The following AGRN variants were observed in gnomAD, a reference collection of about 807,000 sequenced individuals.
The protein encoded by AGRN is agrin.
A neutral mutation model predicts 211.0 loss-of-function variants in AGRN; 106 were observed. The observed-to-expected ratio is 0.50, with a 90% CI of 0.43 to 0.59. AGRN has a LOEUF of 0.59. Ranked by LOEUF, AGRN falls within the 20% of genes least tolerant of loss-of-function variation. The pLI is 0.00. For synonymous variants in AGRN, 1,525 were observed against 1,332.5 expected (o/e 1.14, Z -3.15); for missense variants, 3,040 against 2,982.6 (o/e 1.02, Z -0.45).
Position 1,047,833 on chromosome 1 carries a change from C to G in AGRN, c.3689C>G (p.Ser1230Cys), listed in dbSNP as rs758038475. ...GCCCTGCTCCGGCAGATCCAGGTGT[C>G]CAGGCGCCGGTCCTTGGGGGTGAGG... ...ARALLRQIQVSRRRSLGVRRP... is the reference protein window; with the variant it reads ...ARALLRQIQVCRRRSLGVRRP... The change falls in exon 22 of 36, where the codon TCC (serine) becomes TGC (cysteine). Residue 1230 changes from serine (S) to cysteine (C), a missense_variant. This residue lies in a region of AGRN where 1,537 missense variants were observed against 1,505.0 expected (regional missense o/e 1.02). Transcript: ENST00000379370. The G allele has an allele frequency of 2.5e-6, 4 of 1,604,522 alleles. No individual in the cohort carries two copies. In the African/African-American group the frequency reaches 5.4e-5, roughly 21 times the overall value.
Position 1,049,583 on chromosome 1 carries a change from T to C in AGRN, c.4532T>C (p.Phe1511Ser). The change falls in exon 26 of 36, where the codon TTC (phenylalanine) becomes TCC (serine). Residue 1511 changes from phenylalanine (F) to serine (S), a missense_variant. Physicochemically the swap from Phe to Ser is radical, Grantham distance 155. Around this residue, in one of 3 missense-constraint regions of AGRN, gnomAD observed 1,537 missense variants for 1,505.0 expected, o/e 1.02. Coordinates refer to ENST00000379370, the MANE Select transcript of AGRN (RefSeq NM_198576.4). ...DQAAVALERT[F>S]VGAGLRGCIR... The stretch of plus-strand genomic sequence containing the variant: ...GGTGGCAGGGCGCTGGAGCGGACCT[T>C]CGTGGGCGCCGGCCTGAGGGGGTGC... 6.3e-7 allele frequency: 1 copy of C among 1,590,440 alleles called. No individual in the cohort carries two copies. The highest frequency in any genetic ancestry group is 8.5e-7 in the Non-Finnish European group (1 of 1,169,608).
chr1:1,051,646 G>A lies in AGRN; in HGVS notation c.5563+1G>A. On this transcript the variant is annotated splice_donor_variant, in intron 32 of 35. Transcript: ENST00000379370. LOFTEE classifies it high-confidence loss of function. Reference sequence around the variant, plus strand: ...TTCTCAGGACCGCACTGCGAGAAGGGTGAGCCTGGCACAGGGCAGGGGGCG... The same window carrying A: ...TTCTCAGGACCGCACTGCGAGAAGGATGAGCCTGGCACAGGGCAGGGGGCG... The A allele has an allele frequency of 6.2e-7, 1 of 1,612,432 alleles. No individual in the cohort carries two copies. The highest frequency in any genetic ancestry group is 1.3e-5 in the African/African-American group (1 of 75,056).
In AGRN at chr1:1,031,150, C is replaced by T. The variant is rs1644666554; in HGVS notation, c.464-4127C>T. ...ATGTGTGTGTGTGCAGTGCATGGTG[C>T]TGTGTGAGATTGTGTGTGTGCAGTG... is the stretch of plus-strand genomic sequence containing the variant. On this transcript the variant is annotated intron_variant, in intron 2 of 35. Coordinates refer to ENST00000379370, the MANE Select transcript of AGRN (RefSeq NM_198576.4). This position sits in a 1 kb window ranked among gnomAD's most constrained non-coding sequence, Gnocchi z 4.8. Among the ~76,000 whole-genome samples, 1 of 119,922 alleles carries T rather than the reference C, an allele frequency of 8.3e-6. No homozygotes were observed. The highest frequency in any genetic ancestry group is 3.4e-5 in the African/African-American group (1 of 29,700). 78.7% of individuals were successfully genotyped at this position (119,922 alleles called of 152,430 possible).
At position 1,048,340 on chromosome 1, in the gene AGRN, C is replaced by T. The variant is rs538449761; in HGVS notation, c.4080C>T (p.Gly1360=). 13 of 1,470,772 alleles carry T rather than the reference C, an allele frequency of 8.8e-6. No individual in the cohort carries two copies. The highest frequency in any genetic ancestry group is 1.8e-4 in the Middle Eastern group (1 of 5,580). 91.1% of individuals were successfully genotyped at this position (1,470,772 alleles called of 1,614,324 possible). The change falls in exon 23 of 36, where the codon GGC becomes GGT. Residue 1360 remains glycine, a synonymous_variant. Coordinates refer to ENST00000379370, the MANE Select transcript of AGRN (RefSeq NM_198576.4). This position sits in a 1 kb window ranked among gnomAD's most constrained non-coding sequence, Gnocchi z 5.9. ...GGGFTCSCPA[G]RGGAVCEKVL... is the part of the protein sequence containing the mutation. ...GCTTCACCTGCAGCTGCCCGGCAGG[C>T]AGGGGAGGCGCCGTCTGTGAGAAGG...
rs1644684302 is a variant in AGRN, at chr1:1,031,884, G to T, written c.464-3393G>T. ...GGTTTGACCCTGGCACTGCCCCTGG[G>T]ACTCAGAGCTGGGAGGTGAGAAATG... is the stretch of plus-strand genomic sequence containing the variant. On this transcript the variant is annotated intron_variant, in intron 2 of 35. Coordinates refer to ENST00000379370, the MANE Select transcript of AGRN (RefSeq NM_198576.4). This position sits in a 1 kb window ranked among gnomAD's most constrained non-coding sequence, Gnocchi z 4.8. 6.6e-6 allele frequency among the ~76,000 whole-genome samples: 1 copy of T among 152,230 alleles called. No individual in the cohort carries two copies.
At position 1,046,008 on chromosome 1, in the gene AGRN, G is replaced by A. The variant is rs368433481; in HGVS notation, c.2725G>A (p.Gly909Ser). 53 of 1,613,838 alleles carry A rather than the reference G, an allele frequency of 3.3e-5. No individual in the cohort carries two copies. The highest frequency in any genetic ancestry group is 2.5e-4 in the East Asian group (11 of 44,892). The stretch of plus-strand genomic sequence containing the variant: ...CTGTGCGGAGATGCGCTGTGAGTTC[G>A]GTGCGCGGTGCGTGGAGGAGTCTGG... ...ATCAEMRCEF[G>S]ARCVEESGSA... is the part of the protein sequence containing the mutation. Residue 909 changes from glycine to serine, a missense_variant, in exon 16 of 36, where the codon GGT (glycine) becomes AGT (serine). Gly to Ser is a moderately conservative substitution (Grantham distance 56). This residue lies in a region of AGRN where 1,498 missense variants were observed against 1,457.8 expected (regional missense o/e 1.03). Transcript: ENST00000379370.
rs995512492 is a variant in AGRN at position 1,048,627 on chromosome 1, G to T, written c.4106-240G>T. Reference sequence around the variant, plus strand: ...CTCTACTAAAAATACAAAATTAGCCGGGCGTGGTGGTGGGCGCCTGTAATC... The same window carrying T: ...CTCTACTAAAAATACAAAATTAGCCTGGCGTGGTGGTGGGCGCCTGTAATC... On this transcript the variant is annotated intron_variant, in intron 23 of 35. Transcript: ENST00000379370. This position sits in a 1 kb window ranked among gnomAD's most constrained non-coding sequence, Gnocchi z 5.9. 6 of 597,810 alleles carry T rather than the reference G, an allele frequency of 1.0e-5. No homozygotes were observed. The highest frequency in any genetic ancestry group is 6.3e-5 in the Admixed American group (2 of 31,754). The allele number at this position is 597,810 out of a possible 1,614,324, so 37.0% of individuals were successfully genotyped here.
chr1:1,038,479 CCTT>C (rs1644853335), intron 3 of AGRN, among the ~76,000 whole-genome samples: 1 of 152,244 alleles, frequency 6.6e-6, no homozygotes, highest in South Asian at 2.1e-4. Flanking sequence ...GCCATCATCA[CCTT>C]CTTCCCCAAG....
At chr1:1,047,491 C>G in intron 20 of AGRN, 37 bp downstream of exon 20, 1 of 1,612,808 alleles carries the variant, frequency 6.2e-7, no homozygotes, top group Non-Finnish European at 8.5e-7. Context: ...ACCCACTGGC[C>G]TTCCTCCCCA....
intron 2 of AGRN, among the ~76,000 whole-genome samples, chr1:1,028,221 C>T (rs1266630610): frequency 1.3e-5 from 2 of 151,946 alleles, no homozygotes; most frequent in Admixed American, 6.5e-5. Flanking sequence ...GGCTGGGGCG[C>T]AGTCGTCAGC....
intron 33 of AGRN, chr1:1,052,290 T>A (rs13303287): frequency 2.0e-5 from 7 of 352,300 alleles, no homozygotes; most frequent in Admixed American, 7.7e-5. Context: ...CCGTGTGCAC[T>A]TCCGCGTGTG....
chr1:1,039,193 C>T (rs1482906115), intron 3 of AGRN, among the ~76,000 whole-genome samples: 1 of 151,910 alleles, frequency 6.6e-6, no homozygotes, highest in Non-Finnish European at 1.5e-5. Context: ...GGGAGAGTAG[C>T]AGAAGAGGGG....
intron 27 of AGRN, 90 bp downstream of exon 27, chr1:1,050,127 G>A (rs1283979970): frequency 5.0e-6 from 8 of 1,586,406 alleles, no homozygotes; most frequent in Non-Finnish European, 6.9e-6. Context: ...CAGTTAGGAT[G>A]CGGCTCAGTC....
chr1:1,036,066 C>G lies in AGRN; in HGVS notation c.511+742C>G, dbSNP rs1411735978. 2.0e-5 allele frequency among the ~76,000 whole-genome samples: 3 copies of G among 152,134 alleles called. No individual in the cohort carries two copies. The East Asian group carries it at 5.8e-4, about 29-fold the overall frequency. On this transcript the variant is annotated intron_variant, in intron 3 of 35. Transcript: ENST00000379370. Reference sequence around the variant, plus strand: ...CTTTCCAGCAGGTGGGGAAGGAGCACCTGCCCCATCACTGGGTCTCACTTG... The same window carrying G: ...CTTTCCAGCAGGTGGGGAAGGAGCAGCTGCCCCATCACTGGGTCTCACTTG...
intron 3 of AGRN, 137 bp from the exon 4 acceptor site, chr1:1,040,528 C>A: frequency 9.6e-7 from 1 of 1,045,790 alleles, no homozygotes; most frequent in South Asian, 1.5e-5. Flanking sequence ...GCACGCGTGT[C>A]CGTGTCCGTG....
rs1644674667 is a variant in AGRN, at chr1:1,031,409, C to A, written c.464-3868C>A. Among the ~76,000 whole-genome samples the A allele has an allele frequency of 6.6e-6, 1 of 152,126 alleles. No homozygotes were observed. Among genetic ancestry groups the A allele is most frequent in the Non-Finnish European group, 1.5e-5 (1 of 68,008 alleles). On this transcript the variant is annotated intron_variant, in intron 2 of 35. Coordinates refer to ENST00000379370, the MANE Select transcript of AGRN (RefSeq NM_198576.4). The surrounding 1 kb of genome is among the most constrained non-coding windows in gnomAD (Gnocchi z 4.8). ...GGGCTGAATGATTTTGTCTGAAGAT[C>A]CCAAAATAGCTCATGTCGCCTGAGC...
chr1:1,020,818 G>T (rs1389708585), intron 1 of AGRN, among the ~76,000 whole-genome samples: 1 of 148,944 alleles, frequency 6.7e-6, no homozygotes, highest in East Asian at 2.0e-4. Context: ...CCCAACCCCG[G>T]GAGCCAGGTG....
At chr1:1,052,341 G>C (rs1043931743) in intron 33 of AGRN, 1 of 347,072 alleles carries the variant, frequency 2.9e-6, no homozygotes, top group Non-Finnish European at 5.7e-6. Context: ...TGTATATGGA[G>C]TGGATGTGCA....
intron 8 of AGRN, 27 bp from the exon 9 acceptor site, chr1:1,043,511 C>T (rs185093137): frequency 6.2e-5 from 99 of 1,602,182 alleles, no homozygotes; most frequent in East Asian, 2.9e-4. Context: ...GGTTCCTGGT[C>T]GCCTGGTGAT....
Sources: allele counts gnomAD v4.1 joint callset (sites outside exome capture counted in the v4.1 genomes callset), GRCh38; gene constraint gnomAD v4.1.1; regional missense constraint gnomAD v4.1.1; non-coding constraint Gnocchi (gnomAD v3.1); transcripts MANE v1.5; gene names NCBI Gene and HGNC (gene_info 2026-07-23, HGNC 2026-07-21).